Variants in PTPRN2 observed in about 807,000 individuals in gnomAD.
PTPRN2 encodes protein tyrosine phosphatase receptor type N2, also known as receptor-type tyrosine-protein phosphatase N2.
PTPRN2 carries 74 observed loss-of-function variants against 118.8 expected under a neutral mutation model. The ratio of observed to expected loss-of-function variants is 0.62; its 90% CI spans 0.52 to 0.76. The LOEUF (loss-of-function observed/expected upper bound fraction) is 0.76, where lower values mean the gene tolerates loss of function less well. Among genes scored for constraint, PTPRN2 ranks in the 30% least tolerant of loss-of-function variants. The pLI, the probability that PTPRN2 is intolerant of heterozygous loss-of-function variation, is 0.00. For synonymous variants in PTPRN2, 641 were observed against 608.0 expected (o/e 1.05, Z -0.80); for missense variants, 1,481 against 1,394.4 (o/e 1.06, Z -0.99).
chr7:158,327,930 C>T (rs1417458133), intron 2 of PTPRN2, among the ~76,000 whole-genome samples: 1 of 152,144 alleles, frequency 6.6e-6, no homozygotes, highest in Non-Finnish European at 1.5e-5. Flanking sequence ...CCATCAGGGT[C>T]CCCAGGGGTG....
chr7:157,731,553 C>CA (rs1563049627), intron 12 of PTPRN2, among the ~76,000 whole-genome samples: 5 of 44,410 alleles, frequency 1.1e-4, no homozygotes, highest in Admixed American at 2.1e-4. Flanking sequence ...GTTACCCTTT[C>CA]CCGTCCCATG....
At chr7:158,132,885 A>G (rs548407300) in intron 9 of PTPRN2, among the ~76,000 whole-genome samples, 2 of 152,200 alleles carry the variant, frequency 1.3e-5, no homozygotes, top group African/African-American at 2.4e-5. Context: ...ACACACACAT[A>G]CAAACGTGTG....
chr7:158,441,857 G>A (rs1241799867), intron 2 of PTPRN2, among the ~76,000 whole-genome samples: 1 of 146,642 alleles, frequency 6.8e-6, no homozygotes, highest in African/African-American at 2.6e-5. Context: ...GATGGTGATA[G>A]TGATGGTCAT....
chr7:158,188,147 C>T (rs572148503), intron 5 of PTPRN2, among the ~76,000 whole-genome samples: 3 of 149,852 alleles, frequency 2.0e-5, no homozygotes, highest in Non-Finnish European at 4.5e-5. Flanking sequence ...AGCCACCACG[C>T]TCGCCCCCTG....
At chr7:158,044,421 C>A (rs1458114032) in intron 11 of PTPRN2, among the ~76,000 whole-genome samples, 1 of 152,190 alleles carries the variant, frequency 6.6e-6, no homozygotes, top group African/African-American at 2.4e-5. Context: ...TTCATAAAAA[C>A]AAAGCAAGCA....
intron 10 of PTPRN2, among the ~76,000 whole-genome samples, chr7:158,084,767 C>T (rs966642350): frequency 1.1e-4 from 16 of 147,382 alleles, no homozygotes; most frequent in African/African-American, 1.5e-4. Flanking sequence ...CCATACACTC[C>T]GACACTCATC....
At chr7:157,574,192 C>A (rs1378727571) in intron 19 of PTPRN2, 2 of 281,036 alleles carry the variant, frequency 7.1e-6, no homozygotes, top group African/African-American at 2.2e-5. Context: ...AACAGGAATT[C>A]ACTGAGAAAG....
intron 11 of PTPRN2, among the ~76,000 whole-genome samples, chr7:158,058,285 C>T (rs1415785488): frequency 3.4e-4 from 49 of 142,160 alleles, no homozygotes; most frequent in Admixed American, 2.6e-3. Context: ...CATCTGCCCA[C>T]GGTGAGACAT....
chr7:158,248,348 G>A (rs1429787162), intron 3 of PTPRN2, among the ~76,000 whole-genome samples: 2 of 152,194 alleles, frequency 1.3e-5, no homozygotes, highest in African/African-American at 4.8e-5. Context: ...CCAGGAAGGA[G>A]TGGGGTACCC....
chr7:158,337,032 A>G (rs1269186290), intron 2 of PTPRN2, among the ~76,000 whole-genome samples: 2 of 105,596 alleles, frequency 1.9e-5, no homozygotes, highest in Admixed American at 1.8e-4. Flanking sequence ...TGTCACCCAC[A>G]GACATCACTC....
chr7:158,157,627 C>T (rs1002241575), intron 6 of PTPRN2, among the ~76,000 whole-genome samples: 3 of 152,260 alleles, frequency 2.0e-5, no homozygotes, highest in Admixed American at 2.0e-4. Flanking sequence ...AGGCTGCCAG[C>T]CACACACGGC....
intron 21 of PTPRN2, among the ~76,000 whole-genome samples, chr7:157,559,808 T>G (rs1799088026): frequency 1.3e-5 from 2 of 152,162 alleles, no homozygotes; most frequent in East Asian, 3.9e-4. Flanking sequence ...GCGACACAGC[T>G]GCCCCGACAG....
At chr7:157,970,646 C>CT (rs1456350609) in intron 11 of PTPRN2, among the ~76,000 whole-genome samples, 1 of 150,840 alleles carries the variant, frequency 6.6e-6, no homozygotes, top group African/African-American at 2.4e-5. Context: ...ACCCCCCCCC[C>CT]CACAGGTTGC....
At chr7:157,957,268 A>T (rs1585086491) in intron 11 of PTPRN2, among the ~76,000 whole-genome samples, 1 of 152,148 alleles carries the variant, frequency 6.6e-6, no homozygotes, top group East Asian at 1.9e-4. Flanking sequence ...TCCCCTCTCC[A>T]CAGCAACAGT....
intron 2 of PTPRN2, among the ~76,000 whole-genome samples, chr7:158,455,733 A>C (rs1167442581): frequency 6.8e-6 from 1 of 146,422 alleles, no homozygotes. Context: ...GGCCATGGCC[A>C]CCCATCGCTC....
At chr7:158,362,393 C>G (rs71200503) in intron 2 of PTPRN2, among the ~76,000 whole-genome samples, 54,459 of 152,194 alleles carry the variant, frequency 0.36, 10,428 homozygotes, top group Non-Finnish European at 0.42. Flanking sequence ...CATTTACTCA[C>G]AGAGAAGAAA....
At chr7:158,576,188 T>A (rs1473951076) in intron 1 of PTPRN2, among the ~76,000 whole-genome samples, 1 of 152,130 alleles carries the variant, frequency 6.6e-6, no homozygotes, top group Admixed American at 6.5e-5. Flanking sequence ...CAGAGCTGTG[T>A]GTCTGCAAAC....
chr7:158,490,040 A>G (rs1476733279), intron 1 of PTPRN2, among the ~76,000 whole-genome samples: 1 of 152,146 alleles, frequency 6.6e-6, no homozygotes, highest in African/African-American at 2.4e-5. Flanking sequence ...CTCTGGGCTG[A>G]GGGTCAAGCC....
intron 3 of PTPRN2, among the ~76,000 whole-genome samples, chr7:158,219,898 C>T (rs1360123660): frequency 2.0e-5 from 3 of 151,402 alleles, no homozygotes; most frequent in Non-Finnish European, 4.4e-5. Context: ...AACCTACCAA[C>T]CAAAAAAGCC....
Sources: gnomAD v4.1 joint callset for allele counts (sites outside exome capture counted in the v4.1 genomes callset) on GRCh38, gnomAD v4.1.1 for gene constraint, MANE v1.5 for transcripts, NCBI Gene and HGNC (gene_info 2026-07-23, HGNC 2026-07-21) for gene names.